CYLD: variants seen among roughly 807,000 people sequenced by gnomAD.
The protein encoded by CYLD is ubiquitin carboxyl-terminal hydrolase CYLD.
A neutral mutation model predicts 104.5 loss-of-function variants in CYLD; 26 were observed. The observed-to-expected ratio is 0.25, with a 90% confidence interval of 0.18 to 0.35. CYLD has a LOEUF of 0.35. Among genes scored for constraint, CYLD ranks in the 10% least tolerant of loss-of-function variants. The probability of loss-of-function intolerance (pLI) is 1.00; values close to 1 mark genes in which losing one functional copy is unlikely to be tolerated. For synonymous variants in CYLD, 385 were observed against 399.9 expected (o/e 0.96, Z 0.45); for missense variants, 703 against 1,136.1 (o/e 0.62, Z 5.48).
chr16:50,782,876 C>T (rs886412127), intron 11 of CYLD, among the ~76,000 whole-genome samples: 2 of 151,262 alleles, frequency 1.3e-5, no homozygotes, highest in African/African-American at 2.4e-5. Flanking sequence ...GCACTGCTGC[C>T]CTCATATATG....
At position 50,796,565 on chromosome 16, in the gene CYLD, A is replaced by T. The variant is rs1972068350; in HGVS notation, c.*57A>T. Reference sequence around the variant, plus strand: ...AGGCAGAGTCCTAACGTTGCATCTTATTCGAGCTGGCAGTTCTGTTCACGT... The same window carrying T: ...AGGCAGAGTCCTAACGTTGCATCTTTTTCGAGCTGGCAGTTCTGTTCACGT... On this transcript the variant is annotated 3_prime_UTR_variant, in exon 19 of 19. Coordinates refer to ENST00000427738, the MANE Select transcript of CYLD (RefSeq NM_001378743.1). 3.2e-6 allele frequency: 5 copies of T among 1,563,916 alleles called. No individual in the cohort carries two copies. Among genetic ancestry groups the T allele is most frequent in the Non-Finnish European group, 4.4e-6 (5 of 1,143,980 alleles).
chr16:50,779,558 G>A (rs1033451750), intron 8 of CYLD, 107 bp from the exon 9 acceptor site: 6 of 1,017,720 alleles, frequency 5.9e-6, no homozygotes, highest in Middle Eastern at 2.8e-4. Context: ...ATTAATAGCA[G>A]GGAGGTCAGG....
At chr16:50,751,288 T>G (rs1387042438) in intron 3 of CYLD, among the ~76,000 whole-genome samples, 1 of 152,238 alleles carries the variant, frequency 6.6e-6, no homozygotes, top group Non-Finnish European at 1.5e-5. Flanking sequence ...GGAGCTAACA[T>G]TACTGCTATT....
rs1325890438 is a variant in CYLD, at chr16:50,779,673, G to T, written c.1147G>T (p.Asp383Tyr). Residue 383 changes from aspartate to tyrosine, a missense_variant, in exon 9 of 19, where the codon GAC becomes TAC. This residue lies in a region of CYLD where 183 missense variants were observed against 212.1 expected (regional missense o/e 0.86). Coordinates refer to ENST00000427738, the MANE Select transcript of CYLD (RefSeq NM_001378743.1). ...NTWYIDEVAE[D>Y]PAKSLTEIST... ...TAGGAATAATTTTTTAGTTGCAGAA[G>T]ACCCTGCAAAATCTCTTACAGAGAT... 6.2e-7 allele frequency: 1 copy of T among 1,613,468 alleles called. No homozygotes were observed. Among genetic ancestry groups the T allele is most frequent in the Admixed American group, 1.7e-5 (1 of 60,006 alleles).
At chr16:50,755,362 C>T (rs556495881) in intron 5 of CYLD, among the ~76,000 whole-genome samples, 6 of 152,070 alleles carry the variant, frequency 3.9e-5, no homozygotes, top group Non-Finnish European at 7.4e-5. Flanking sequence ...TATCTTTTTC[C>T]TATAATCACT....
intron 13 of CYLD, 133 bp downstream of exon 13, chr16:50,787,079 T>C: frequency 2.8e-6 from 2 of 725,336 alleles, no homozygotes. Context: ...ATGTGATATA[T>C]GGTTAGCTCC....
rs556288602 is a variant in CYLD at position 50,755,049 on chromosome 16, ATG to A, written c.913+627_913+628del. Among the ~76,000 whole-genome samples, 180 of 98,796 alleles carry A rather than the reference ATG, an allele frequency of 1.8e-3. 31 individuals carry two copies. The highest frequency in any genetic ancestry group is 2.1e-3 in the Non-Finnish European group (103 of 48,980). 64.8% of individuals were successfully genotyped at this position (98,796 alleles called of 152,430 possible). A position where few individuals can be genotyped will look rare whatever the true frequency, so the allele number is the denominator to read the frequency against. ...CATATATATGTATATATACATATAT[ATG>A]TATATATACATATAGATATGTATAC... is the stretch of plus-strand genomic sequence containing the variant. On this transcript the variant is annotated intron_variant, in intron 5 of 18. Coordinates refer to ENST00000427738, the MANE Select transcript of CYLD (RefSeq NM_001378743.1).
chr16:50,787,260 T>C (rs951596459), intron 13 of CYLD: 8 of 339,536 alleles, frequency 2.4e-5, no homozygotes, highest in African/African-American at 8.5e-5. Context: ...CAGAGTTGCA[T>C]TGGGTTTTCT....
chr16:50,756,576 T>G (rs1342079445), intron 5 of CYLD, among the ~76,000 whole-genome samples: 8 of 152,132 alleles, frequency 5.3e-5, no homozygotes, highest in Non-Finnish European at 1.0e-4. Context: ...GCATCAACAG[T>G]TTCATCCCCC....
chr16:50,742,616 G>T, intron 1 of CYLD, 146 bp from the exon 2 acceptor site: 1 of 389,638 alleles, frequency 2.6e-6, no homozygotes. Context: ...GCCACGGTTG[G>T]CCTCAGGAGC....
chr16:50,783,190 C>G (rs146844784), intron 11 of CYLD, among the ~76,000 whole-genome samples: 79 of 152,168 alleles, frequency 5.2e-4, no homozygotes, highest in African/African-American at 1.8e-3. Context: ...CCTTGGCCTC[C>G]CAAAGTGCTT....
chr16:50,762,446 A>C (rs932585447), intron 5 of CYLD, among the ~76,000 whole-genome samples: 2 of 152,062 alleles, frequency 1.3e-5, no homozygotes, highest in Non-Finnish European at 2.9e-5. Context: ...CCAGATGTAC[A>C]CGTGTGGATC....
chr16:50,749,566 CTTT>C lies in CYLD; in HGVS notation c.-123-7_-123-5del. On this transcript the variant is annotated splice_polypyrimidine_tract_variant and splice_region_variant and intron_variant, in intron 2 of 18. Coordinates refer to ENST00000427738, the MANE Select transcript of CYLD (RefSeq NM_001378743.1). ...TTCACTAGGCATTTTGATTTCCTTT[CTTT>C]TTACAGCATGGACACCACGTTGCTG... 1 of 882,938 alleles carries C rather than the reference CTTT, an allele frequency of 1.1e-6. No individual in the cohort carries two copies. The highest frequency in any genetic ancestry group is 1.7e-6 in the Non-Finnish European group (1 of 582,202). 54.7% of individuals were successfully genotyped at this position (882,938 alleles called of 1,614,324 possible). A position where few individuals can be genotyped will look rare whatever the true frequency, so the allele number is the denominator to read the frequency against.
At position 50,787,301 on chromosome 16, in the gene CYLD, A is replaced by T. The variant is rs146054917; in HGVS notation, c.2041+355A>T. ...TTCCCACTGAGTCTTCCCTGTTGTAAAAGGGAGTTAGAAAGCTGCTAACTA... is the reference window on the plus strand; with the variant it reads ...TTCCCACTGAGTCTTCCCTGTTGTATAAGGGAGTTAGAAAGCTGCTAACTA... On this transcript the variant is annotated intron_variant, in intron 13 of 18. Transcript: ENST00000427738. 1.0e-4 allele frequency: 32 copies of T among 305,094 alleles called. 1 individual carries two copies. The highest frequency in any genetic ancestry group is 6.8e-4 in the African/African-American group (31 of 45,776). 18.9% of individuals were successfully genotyped at this position (305,094 alleles called of 1,614,324 possible).
rs1286920859 is a variant in CYLD at position 50,750,065 on chromosome 16, C to T, written c.367C>T (p.Leu123Phe). ...FKNRNRLSKGLQIDVGCPVKV... is the reference protein window; with the variant it reads ...FKNRNRLSKGFQIDVGCPVKV... Reference sequence around the variant, plus strand: ...AAACAGAAACAGACTAAGTAAAGGCCTCCAAATAGACGTGGGCTGTCCTGT... The same window carrying T: ...AAACAGAAACAGACTAAGTAAAGGCTTCCAAATAGACGTGGGCTGTCCTGT... The change falls in exon 3 of 19, where the codon CTC (leucine) becomes TTC (phenylalanine). Residue 123 changes from leucine (L) to phenylalanine (F), a missense_variant. Physicochemically the swap from Leu to Phe is conservative, Grantham distance 22. Around this residue, in one of 5 missense-constraint regions of CYLD, gnomAD observed 142 missense variants for 165.1 expected, o/e 0.86. Coordinates refer to ENST00000427738, the MANE Select transcript of CYLD (RefSeq NM_001378743.1). 1.2e-6 allele frequency: 2 copies of T among 1,614,110 alleles called. No homozygotes were observed. The highest frequency in any genetic ancestry group is 1.7e-6 in the Non-Finnish European group (2 of 1,180,004).
intron 8 of CYLD, 195 bp downstream of exon 8, chr16:50,778,136 G>A (rs569902264): frequency 1.5e-5 from 8 of 523,896 alleles, no homozygotes; most frequent in African/African-American, 1.3e-4. Context: ...TTTAAGAAAT[G>A]TATTAGTAAT....
At chr16:50,774,079 C>T (rs1426569519) in intron 5 of CYLD, among the ~76,000 whole-genome samples, 2 of 152,234 alleles carry the variant, frequency 1.3e-5, no homozygotes, top group African/African-American at 4.8e-5. Context: ...GCACTTGCTT[C>T]ATTTGTTATA....
chr16:50,784,742 A>T lies in CYLD; in HGVS notation c.1949+291A>T, dbSNP rs1037095950. 11 of 329,702 alleles carry T rather than the reference A, an allele frequency of 3.3e-5. 1 individual carries two copies. Among genetic ancestry groups the T allele is most frequent in the South Asian group, 2.9e-4 (10 of 34,896 alleles). The allele number at this position is 329,702 out of a possible 1,614,324, so 20.4% of individuals were successfully genotyped here. On this transcript the variant is annotated intron_variant, in intron 12 of 18. Coordinates refer to ENST00000427738, the MANE Select transcript of CYLD (RefSeq NM_001378743.1). ...GCAGTATGTTTAGGAAAGCTAATAC[A>T]TAATACTTAGGATTCTTATCTTTTG... is the stretch of plus-strand genomic sequence containing the variant.
intron 2 of CYLD, among the ~76,000 whole-genome samples, chr16:50,745,681 A>G (rs1028560881): frequency 6.6e-6 from 1 of 152,020 alleles, no homozygotes; most frequent in African/African-American, 2.4e-5. Context: ...TCAGCCTCCA[A>G]AGTGCTGGGA....
Sources: gnomAD v4.1 joint callset for allele counts (sites outside exome capture counted in the v4.1 genomes callset) on GRCh38, gnomAD v4.1.1 for gene constraint, gnomAD v4.1.1 regional missense constraint, MANE v1.5 for transcripts, NCBI Gene and HGNC (gene_info 2026-07-23, HGNC 2026-07-21) for gene names.